Variants in REV3L observed in about 807,000 individuals in gnomAD.
The protein encoded by REV3L is REV3 like, DNA directed polymerase zeta catalytic subunit.
A neutral mutation model predicts 299.4 loss-of-function variants in REV3L; 69 were observed. The ratio of observed to expected loss-of-function variants is 0.23; its 90% CI spans 0.19 to 0.28. The LOEUF is 0.28. Ranked by LOEUF, REV3L falls within the 10% of genes least tolerant of loss-of-function variation. The probability of loss-of-function intolerance (pLI) is 1.00; values close to 1 mark genes in which losing one functional copy is unlikely to be tolerated. For synonymous variants in REV3L, 1,238 were observed against 1,271.4 expected, an observed-to-expected ratio of 0.97 and a Z score of 0.56; for missense variants, 3,128 against 3,693.8, an observed-to-expected ratio of 0.85 and a Z score of 3.97.
chr6:111,329,743 CAT>C lies in REV3L; in HGVS notation c.8035-7_8035-6del. ...TACACCTTTTCTTACTGAAGGCTAT[CAT>C]AAAGAAAAAAAATGTTTAAAACCCC... On this transcript the variant is annotated splice_region_variant and splice_polypyrimidine_tract_variant and intron_variant, in intron 24 of 31. Transcript: ENST00000368802. 6.2e-7 allele frequency: 1 copy of C among 1,605,826 alleles called. No homozygotes were observed. Among genetic ancestry groups the C allele is most frequent in the Non-Finnish European group, 8.5e-7 (1 of 1,176,524 alleles).
At chr6:111,335,901 C>CT (rs1294850609) in intron 21 of REV3L, among the ~76,000 whole-genome samples, 10 of 150,880 alleles carry the variant, frequency 6.6e-5, no homozygotes, top group Non-Finnish European at 1.3e-4. Context: ...TTGCTCTATT[C>CT]TTTTTTTTTC....
rs1189557766 is a variant in REV3L at position 111,381,325 on chromosome 6, T to C, written c.1216A>G (p.Met406Val). ...TQRLSESPVF[M>V]DSSPDEALVH... Reference sequence around the variant, plus strand: ...TATTTATGGTAGCACTGTTACTTACTGAAAACAGGTGACTCACTCAGTCTT... The same window carrying C: ...TATTTATGGTAGCACTGTTACTTACCGAAAACAGGTGACTCACTCAGTCTT... The change falls in exon 10 of 32, where the codon ATG (methionine) becomes GTG (valine). Residue 406 changes from methionine to valine, a missense_variant and splice_region_variant. Physicochemically the swap from Met to Val is conservative, Grantham distance 21. Around this residue, in one of 9 missense-constraint regions of REV3L, gnomAD observed 2,409 missense variants for 2,611.8 expected, o/e 0.92. Transcript: ENST00000368802. 1 of 1,613,432 alleles carries C rather than the reference T, an allele frequency of 6.2e-7. No individual in the cohort carries two copies.
At chr6:111,368,205 C>T (rs1269273625) in intron 13 of REV3L, among the ~76,000 whole-genome samples, 177 bp from the exon 14 acceptor site, 2 of 152,168 alleles carry the variant, frequency 1.3e-5, no homozygotes, top group Non-Finnish European at 2.9e-5. Context: ...TGCTTTTCCT[C>T]ACAGGTATAT....
chr6:111,482,731 G>T lies in REV3L; in HGVS notation c.139+19C>A. ...CCCCGCCGACTCCCGCTCCCGCCCC[G>T]CGCCCGGCGCCCGCTTACCTGCCGG... On this transcript the variant is annotated intron_variant, in intron 1 of 31. Coordinates refer to ENST00000368802, the MANE Select transcript of REV3L (RefSeq NM_001372078.1). 1 of 1,337,204 alleles carries T rather than the reference G, an allele frequency of 7.5e-7. No homozygotes were observed. The allele number at this position is 1,337,204 out of a possible 1,614,324, so 82.8% of individuals were successfully genotyped here. A position where few individuals can be genotyped will look rare whatever the true frequency, so the allele number is the denominator to read the frequency against.
chr6:111,478,706 T>C (rs899782993), intron 1 of REV3L, among the ~76,000 whole-genome samples: 1 of 152,072 alleles, frequency 6.6e-6, no homozygotes, highest in Non-Finnish European at 1.5e-5. Flanking sequence ...AATATATTTA[T>C]AATTGGATAA....
intron 28 of REV3L, 43 bp downstream of exon 28, chr6:111,313,309 C>A: frequency 1.3e-6 from 2 of 1,566,246 alleles, no homozygotes; most frequent in Non-Finnish European, 1.7e-6. Context: ...GACACTTTAG[C>A]CACTTATTTC....
intron 1 of REV3L, among the ~76,000 whole-genome samples, chr6:111,452,270 T>C (rs573047527): frequency 2.0e-4 from 31 of 152,206 alleles, no homozygotes; most frequent in Admixed American, 1.8e-3. Context: ...TAATGCAAAA[T>C]GGTACAGCCA....
rs1189398273 is a variant in REV3L, at chr6:111,303,165, C to CTTTTTTTTT, written c.9253-3018_9253-3010dup. Among the ~76,000 whole-genome samples the CTTTTTTTTT allele has an allele frequency of 1.2e-4, 11 of 92,332 alleles. 1 individual carries two copies. Among genetic ancestry groups the CTTTTTTTTT allele is most frequent in the African/African-American group, 3.5e-4 (9 of 25,536 alleles). 60.6% of individuals were successfully genotyped at this position (92,332 alleles called of 152,430 possible). A position where few individuals can be genotyped will look rare whatever the true frequency, so the allele number is the denominator to read the frequency against. ...AATGTACTGAGGCTTTCTTTTCTTT[C>CTTTTTTTTT]TTTTTTTTTTTTTTTTTGAGATGAG... On this transcript the variant is annotated intron_variant, in intron 31 of 31. Transcript: ENST00000368802.
In REV3L at chr6:111,376,508, G is replaced by T. The variant is rs764438805; in HGVS notation, c.1847C>A (p.Ser616Tyr). ...AGAATAAGTGCTTTCGTTTGTAAAA[G>T]AAGTGACTGAGTTATCTAGACCTTT... is the stretch of plus-strand genomic sequence containing the variant. ...TEKGLDNSVT[S>Y]FTNESTYSMK... Residue 616 changes from serine to tyrosine, a missense_variant, in exon 13 of 32, where the codon TCT becomes TAT. Ser to Tyr is a moderately radical substitution (Grantham distance 144). This residue lies in a region of REV3L where 2,409 missense variants were observed against 2,611.8 expected (regional missense o/e 0.92). Coordinates refer to ENST00000368802, the MANE Select transcript of REV3L (RefSeq NM_001372078.1). 2.5e-6 allele frequency: 4 copies of T among 1,613,060 alleles called. No individual in the cohort carries two copies. The highest frequency in any genetic ancestry group is 3.4e-6 in the Non-Finnish European group (4 of 1,179,732).
chr6:111,375,169 T>G lies in REV3L; in HGVS notation c.3186A>C (p.Gln1062His). 6.2e-7 allele frequency: 1 copy of G among 1,609,178 alleles called. No individual in the cohort carries two copies. The highest frequency in any genetic ancestry group is 8.5e-7 in the Non-Finnish European group (1 of 1,178,874). The change falls in exon 13 of 32, where the codon CAA becomes CAC. Residue 1062 changes from glutamine (Q) to histidine (H), a missense_variant. Gln to His is a conservative substitution (Grantham distance 24). Coordinates refer to ENST00000368802, the MANE Select transcript of REV3L (RefSeq NM_001372078.1). ...TAATATTTTCATTATTTGTCCTTTG[T>G]TGTTTACCAGTTTTTTTCTTAGCAG... is the stretch of plus-strand genomic sequence containing the variant. The part of the protein sequence containing the change: ...HKSAKKKTGK[Q>H]QRTNNENIKR...
chr6:111,422,900 T>C (rs981306718), intron 1 of REV3L, among the ~76,000 whole-genome samples: 2 of 151,718 alleles, frequency 1.3e-5, no homozygotes, highest in Non-Finnish European at 1.5e-5. Context: ...AAATAAAATA[T>C]ACAGAACTTT....
chr6:111,464,677 A>G (rs1017751058), intron 1 of REV3L, among the ~76,000 whole-genome samples: 1 of 152,194 alleles, frequency 6.6e-6, no homozygotes, highest in Admixed American at 6.5e-5. Context: ...ATACACTTTT[A>G]AAAATGAGTT....
intron 4 of REV3L, among the ~76,000 whole-genome samples, chr6:111,404,230 T>C (rs1783387849): frequency 6.6e-6 from 1 of 152,202 alleles, no homozygotes; most frequent in African/African-American, 2.4e-5. Context: ...CTGTGTTCTA[T>C]AAGTGGATCA....
intron 10 of REV3L, 79 bp downstream of exon 10, chr6:111,381,246 A>T: frequency 7.7e-6 from 4 of 520,300 alleles, no homozygotes; most frequent in Non-Finnish European, 1.1e-5. Context: ...TCAAGTCAAT[A>T]AAAAAAAAAA....
chr6:111,427,538 G>A (rs1000710994), intron 1 of REV3L, among the ~76,000 whole-genome samples: 6 of 152,122 alleles, frequency 3.9e-5, no homozygotes, highest in African/African-American at 1.4e-4. Context: ...TCAAATATGA[G>A]GAGACAGTTC....
chr6:111,427,768 G>C (rs1786359302), intron 1 of REV3L, among the ~76,000 whole-genome samples: 1 of 152,080 alleles, frequency 6.6e-6, no homozygotes, highest in Non-Finnish European at 1.5e-5. Flanking sequence ...CTAATAACTG[G>C]GAGCAGTGGA....
chr6:111,457,622 T>A (rs999250136), intron 1 of REV3L, among the ~76,000 whole-genome samples: 1 of 151,302 alleles, frequency 6.6e-6, no homozygotes, highest in Admixed American at 6.6e-5. Flanking sequence ...ATCAAGGTAA[T>A]CTCCCTGAAA....
Position 111,315,436 on chromosome 6 carries a change from T to G in REV3L, c.8352-55A>C, listed in dbSNP as rs55734455. 789 of 1,375,918 alleles carry G rather than the reference T, an allele frequency of 5.7e-4. 7 individuals are homozygous for G. In the African/African-American group the frequency reaches 0.01, roughly 17 times the overall value. 85.2% of individuals were successfully genotyped at this position (1,375,918 alleles called of 1,614,324 possible). A position where few individuals can be genotyped will look rare whatever the true frequency, so the allele number is the denominator to read the frequency against. ...TGAGGAAGTCATTATAACAAAAATTTTATCAAGAGTAACTTTCCTGGCTAT... is the reference window on the plus strand; with the variant it reads ...TGAGGAAGTCATTATAACAAAAATTGTATCAAGAGTAACTTTCCTGGCTAT... On this transcript the variant is annotated intron_variant, in intron 26 of 31. Transcript: ENST00000368802.
chr6:111,481,034 C>G (rs1396519359), intron 1 of REV3L, among the ~76,000 whole-genome samples: 3 of 152,086 alleles, frequency 2.0e-5, no homozygotes, highest in African/African-American at 4.8e-5. Context: ...TTTCCACAAA[C>G]GAAACTTTCC....
Sources: allele counts gnomAD v4.1 joint callset (sites outside exome capture counted in the v4.1 genomes callset), GRCh38; gene constraint gnomAD v4.1.1; regional missense constraint gnomAD v4.1.1; transcripts MANE v1.5; gene names NCBI Gene and HGNC (gene_info 2026-07-23, HGNC 2026-07-21).